HDAC9: variants seen among roughly 807,000 people sequenced by gnomAD.
The protein encoded by HDAC9 is histone deacetylase 9, also known as MEF-2 interacting transcription repressor (MITR) protein.
In HDAC9, 41 loss-of-function variants were observed where a neutral mutation model predicts 139.4. The observed-to-expected ratio is 0.29, with a 90% CI of 0.23 to 0.38. The LOEUF (loss-of-function observed/expected upper bound fraction) is 0.38. Among genes scored for constraint, HDAC9 ranks in the 10% least tolerant of loss-of-function variants. The pLI, the probability that HDAC9 is intolerant of heterozygous loss-of-function variation, is 1.00. For synonymous variants in HDAC9, 517 were observed against 476.2 expected, an observed-to-expected ratio of 1.09 and a Z score of -1.12; for missense variants, 1,147 against 1,297.0, an observed-to-expected ratio of 0.88 and a Z score of 1.78.
At chr7:18,339,424 C>G (rs559982046) in intron 1 of HDAC9, among the ~76,000 whole-genome samples, 11 of 151,322 alleles carry the variant, frequency 7.3e-5, no homozygotes, top group African/African-American at 2.7e-4. Context: ...CCCCTAAGTT[C>G]TATTTTAGCA....
intron 1 of HDAC9, among the ~76,000 whole-genome samples, chr7:18,388,713 A>G (rs1004840708): frequency 6.6e-6 from 1 of 152,176 alleles, no homozygotes; most frequent in African/African-American, 2.4e-5. Context: ...TCCATCTGAA[A>G]CAACAGACTG....
At chr7:18,493,226 A>G (rs1043092453), upstream of HDAC9, among the ~76,000 whole-genome samples, 7 of 151,912 alleles carry the variant, frequency 4.6e-5, no homozygotes, top group Non-Finnish European at 1.0e-4. Context: ...AAGACAAAAG[A>G]TGCATAGGCA....
At chr7:18,858,069 T>C (rs1253812060) in intron 21 of HDAC9, among the ~76,000 whole-genome samples, 1 of 152,182 alleles carries the variant, frequency 6.6e-6, no homozygotes, top group African/African-American at 2.4e-5. Context: ...GGCTGTTTAG[T>C]GGTTCATTTA....
At chr7:18,381,598 CA>C (rs749849417) in intron 1 of HDAC9, among the ~76,000 whole-genome samples, 4 of 151,828 alleles carry the variant, frequency 2.6e-5, no homozygotes, top group Non-Finnish European at 5.9e-5. Context: ...AATTTTAGGC[CA>C]TTTTTTATTA....
At chr7:18,626,914 TAGG>T (rs1249402705) in intron 6 of HDAC9, among the ~76,000 whole-genome samples, 17 of 152,282 alleles carry the variant, frequency 1.1e-4, no homozygotes, top group Admixed American at 3.3e-4. Flanking sequence ...TGCAATATAT[TAGG>T]AGAGGGAGGA....
chr7:18,176,828 G>C (rs1788945160), intron 2 of HDAC9, among the ~76,000 whole-genome samples: 1 of 152,050 alleles, frequency 6.6e-6, no homozygotes, highest in African/African-American at 2.4e-5. Context: ...TATTAAAGAA[G>C]AGTTGGATGT....
At position 18,278,980 on chromosome 7, in the gene HDAC9, G is replaced by A. The variant is rs147748528; in HGVS notation, c.25+116631G>A. Reference sequence around the variant, plus strand: ...GAAATTCAGAAACACAGATACGGACGTTTGGGGAATTTTAAAGTAAATTTT... The same window carrying A: ...GAAATTCAGAAACACAGATACGGACATTTGGGGAATTTTAAAGTAAATTTT... On this transcript the variant is annotated intron_variant, in intron 2 of 12. Coordinates refer to the HDAC9 transcript ENST00000417496. Among the ~76,000 whole-genome samples, 361 of 152,304 alleles carry A rather than the reference G, an allele frequency of 2.4e-3. 3 individuals are homozygous for A. Among genetic ancestry groups the A allele is most frequent in the African/African-American group, 8.3e-3 (345 of 41,572 alleles).
chr7:18,792,747 G>A lies in HDAC9; in HGVS notation c.2215-598G>A, dbSNP rs112287156. ...TACTTTGAACATCACATTTCTCCTT[G>A]CAATTTGCTGTTATTGTTTTAAGTG... On this transcript the variant is annotated intron_variant, in intron 16 of 25. Coordinates refer to ENST00000686413, the MANE Select transcript of HDAC9 (RefSeq NM_178425.4). Among the ~76,000 whole-genome samples the A allele has an allele frequency of 6.1e-3, 931 of 152,186 alleles. 10 individuals are homozygous for A. Among genetic ancestry groups the A allele is most frequent in the Non-Finnish European group, 8.1e-3 (554 of 67,994 alleles).
rs2389999 is a variant in HDAC9, at chr7:18,959,259, T to C, written c.3022+5029T>C. Reference sequence around the variant, plus strand: ...TTTATTTAGTTTGAAAGACTATCACTTTAAGTTCTAAAAACAAATAATGAA... The same window carrying C: ...TTTATTTAGTTTGAAAGACTATCACCTTAAGTTCTAAAAACAAATAATGAA... On this transcript the variant is annotated intron_variant, in intron 24 of 25. Transcript: ENST00000686413. 6.4e-3 allele frequency among the ~76,000 whole-genome samples: 976 copies of C among 152,278 alleles called. 3 individuals carry two copies. Among genetic ancestry groups the C allele is most frequent in the Non-Finnish European group, 9.1e-3 (622 of 68,014 alleles).
At chr7:18,823,781 C>A (rs772511709) in intron 17 of HDAC9, among the ~76,000 whole-genome samples, 31 of 151,910 alleles carry the variant, frequency 2.0e-4, no homozygotes, top group Non-Finnish European at 3.2e-4. Context: ...GAGTTTGAGA[C>A]CAGCCTGGGC....
At chr7:18,760,559 T>C (rs1423248798) in intron 14 of HDAC9, among the ~76,000 whole-genome samples, 1 of 152,198 alleles carries the variant, frequency 6.6e-6, no homozygotes, top group African/African-American at 2.4e-5. Flanking sequence ...ATACTTTTAT[T>C]TTTATAGTAA....
At chr7:18,140,168 CA>C (rs1252571832) in intron 1 of HDAC9, among the ~76,000 whole-genome samples, 1 of 152,080 alleles carries the variant, frequency 6.6e-6, no homozygotes, top group Non-Finnish European at 1.5e-5. Flanking sequence ...CATATCTTCC[CA>C]AAATGAAATC....
intron 2 of HDAC9, among the ~76,000 whole-genome samples, chr7:18,540,977 C>T (rs1374899832): frequency 6.6e-6 from 1 of 151,980 alleles, no homozygotes; most frequent in East Asian, 1.9e-4. Context: ...TGTAATGTGC[C>T]TAAGATCATA....
chr7:18,980,638 TTCC>T (rs1276346216), intron 25 of HDAC9, among the ~76,000 whole-genome samples: 1 of 152,012 alleles, frequency 6.6e-6, no homozygotes, highest in East Asian at 1.9e-4. Context: ...ACTTTTCTTC[TTCC>T]TCGATTTGTT....
chr7:18,824,443 G>A (rs575905674), intron 17 of HDAC9, among the ~76,000 whole-genome samples: 1 of 152,308 alleles, frequency 6.6e-6, no homozygotes, highest in South Asian at 2.1e-4. Context: ...AAACATGGTG[G>A]TGGGGGTGAT....
chr7:18,221,258 G>A (rs1178331), intron 2 of HDAC9, among the ~76,000 whole-genome samples: 111,629 of 151,804 alleles, frequency 0.74, 41,119 homozygotes, highest in South Asian at 0.85. Context: ...GGGGCCCGCC[G>A]CCATGCCTGG....
At chr7:18,956,212 A>T (rs1783133177) in intron 24 of HDAC9, among the ~76,000 whole-genome samples, 1 of 152,068 alleles carries the variant, frequency 6.6e-6, no homozygotes, top group Non-Finnish European at 1.5e-5. Flanking sequence ...TGTCTGTGAA[A>T]TCCATTTCCT....
rs1473008548 is a variant in HDAC9, at chr7:18,136,467, A to G, written c.-96-25762A>G. On this transcript the variant is annotated intron_variant, in intron 1 of 12. Transcript: ENST00000417496. ...ACGTTTAAGTCTTTAATCCATCTTG[A>G]ATTGATTTTTGTATAAGGTGGAAGG... 1.1e-4 allele frequency among the ~76,000 whole-genome samples: 16 copies of G among 151,996 alleles called. 1 individual carries two copies. Among genetic ancestry groups the G allele is most frequent in the Admixed American group, 6.5e-4 (10 of 15,268 alleles).
chr7:18,467,379 C>T (rs1053940094), intron 1 of HDAC9, among the ~76,000 whole-genome samples: 1 of 152,144 alleles, frequency 6.6e-6, no homozygotes, highest in Non-Finnish European at 1.5e-5. Context: ...ATACTGGTCT[C>T]CATCTCACTC....
Sources: gnomAD v4.1 joint callset for allele counts (sites outside exome capture counted in the v4.1 genomes callset) on GRCh38, gnomAD v4.1.1 for gene constraint, MANE v1.5 for transcripts, NCBI Gene and HGNC (gene_info 2026-07-23, HGNC 2026-07-21) for gene names.